The following TLE4 variants were observed in gnomAD, a reference collection of about 807,000 sequenced individuals.
TLE4 encodes transducin-like enhancer protein 4.
In TLE4, 8 loss-of-function variants were observed where a neutral mutation model predicts 92.8. The observed-to-expected ratio is 0.09, with a 90% CI of 0.05 to 0.16. The LOEUF is 0.16. Among genes scored for constraint, TLE4 ranks in the 10% least tolerant of loss-of-function variants. The pLI, the probability that TLE4 is intolerant of heterozygous loss-of-function variation, is 1.00. For missense variants in TLE4, 675 were observed against 997.6 expected (o/e 0.68, Z 4.36); for synonymous variants, 371 against 374.1 (o/e 0.99, Z 0.10).
intron 6 of TLE4, among the ~76,000 whole-genome samples, chr9:79,647,459 A>T (rs1451344163): frequency 6.6e-6 from 1 of 152,174 alleles, no homozygotes; most frequent in South Asian, 2.1e-4. Context: ...CAAGTTCTGT[A>T]TGTTCGATCA....
At chr9:79,612,767 G>A (rs759373445) in intron 5 of TLE4, 49 bp downstream of exon 5, 1 of 1,531,140 alleles carries the variant, frequency 6.5e-7, no homozygotes, top group South Asian at 1.1e-5. Flanking sequence ...CATTTTAGTG[G>A]TTTTGCAGAA....
At chr9:79,682,754 C>G (rs1564885234) in intron 8 of TLE4, among the ~76,000 whole-genome samples, 1 of 152,220 alleles carries the variant, frequency 6.6e-6, no homozygotes, top group East Asian at 1.9e-4. Flanking sequence ...AATGCTCAAG[C>G]ATCTCAGGGT....
At chr9:79,638,424 C>T (rs1469812916) in intron 6 of TLE4, among the ~76,000 whole-genome samples, 1 of 152,102 alleles carries the variant, frequency 6.6e-6, no homozygotes. Flanking sequence ...ATGGTTTTGA[C>T]TAAATAGTTA....
rs759918778 is a variant in TLE4, at chr9:79,652,741, C to G, written c.539C>G (p.Ser180Cys). ...CTCTCCAGTGCTCTAGGAGGTCAGTCCCATCTTCCAATTAAAGATGAGAAG... is the reference window on the plus strand; with the variant it reads ...CTCTCCAGTGCTCTAGGAGGTCAGTGCCATCTTCCAATTAAAGATGAGAAG... ...LALSSALGGQ[S>C]HLPIKDEKKH... The change falls in exon 7 of 20, where the codon TCC (serine) becomes TGC (cysteine). Residue 180 changes from serine to cysteine, a missense_variant. Physicochemically the swap from Ser to Cys is moderately radical, Grantham distance 112. Around this residue, in one of 5 missense-constraint regions of TLE4, gnomAD observed 280 missense variants for 287.3 expected, o/e 0.97. Coordinates refer to ENST00000376552, the MANE Select transcript of TLE4 (RefSeq NM_007005.6). The G allele has an allele frequency of 6.2e-7, 1 of 1,614,126 alleles. No homozygotes were observed.
At chr9:79,708,371 T>C (rs2072273140) in intron 12 of TLE4, 121 bp downstream of exon 12, 1 of 1,279,296 alleles carries the variant, frequency 7.8e-7, no homozygotes, top group Admixed American at 2.4e-5. Flanking sequence ...TTAGACAAAG[T>C]TACTTAACCT....
intron 6 of TLE4, among the ~76,000 whole-genome samples, chr9:79,628,873 AGTGT>A (rs34212290): frequency 0.093 from 13,769 of 147,786 alleles, 680 homozygotes; most frequent in Middle Eastern, 0.18. Flanking sequence ...TTTAAAGTTA[AGTGT>A]GTGTGTGTGT....
rs767289653 is a variant in TLE4, at chr9:79,706,836, T to C, written c.873T>C (p.Ile291=). Residue 291 remains isoleucine (I), a synonymous_variant, in exon 11 of 20, where the codon ATT becomes ATC. Coordinates refer to ENST00000376552, the MANE Select transcript of TLE4 (RefSeq NM_007005.6). ...GCCTGCTCAAGAAAGATGCCCCGATTAGTCCAGCCTCTATTGCATCTTCCA... is the reference window on the plus strand; with the variant it reads ...GCCTGCTCAAGAAAGATGCCCCGATCAGTCCAGCCTCTATTGCATCTTCCA... ...KTRLLKKDAP[I]SPASIASSSS... 4 of 1,614,210 alleles carry C rather than the reference T, an allele frequency of 2.5e-6. No individual in the cohort carries two copies. In the Admixed American group the frequency reaches 5.0e-5, roughly 20 times the overall value.
intron 8 of TLE4, among the ~76,000 whole-genome samples, chr9:79,669,341 G>C (rs184248447): frequency 3.3e-5 from 5 of 152,254 alleles, no homozygotes; most frequent in African/African-American, 1.2e-4. Flanking sequence ...TGCCTTCTCT[G>C]ACAAGTAGAA....
At chr9:79,582,111 T>A (rs923382275) in intron 4 of TLE4, among the ~76,000 whole-genome samples, 1 of 152,176 alleles carries the variant, frequency 6.6e-6, no homozygotes, top group African/African-American at 2.4e-5. Flanking sequence ...TTAATCACCA[T>A]CTTGTGGGCT....
intron 8 of TLE4, chr9:79,671,185 A>T: frequency 2.2e-6 from 1 of 450,076 alleles, no homozygotes; most frequent in Non-Finnish European, 4.5e-6. Context: ...TTGGCTGAGA[A>T]TGTGACTTTT....
At chr9:79,707,117 G>A (rs1257976334) in intron 11 of TLE4, 3 of 1,612,546 alleles carry the variant, frequency 1.9e-6, no homozygotes, top group Non-Finnish European at 2.5e-6. Context: ...CTTTTTGCAA[G>A]GATAGAAGAG....
chr9:79,587,875 A>G (rs1230983435), intron 4 of TLE4, among the ~76,000 whole-genome samples: 1 of 152,226 alleles, frequency 6.6e-6, no homozygotes, highest in East Asian at 1.9e-4. Context: ...GATACCAGGT[A>G]AAGCACTAAA....
intron 6 of TLE4, chr9:79,649,923 GT>G (rs368464088): frequency 8.4e-4 from 1,005 of 1,192,018 alleles, no homozygotes; most frequent in East Asian, 2.1e-3. Context: ...TTTGTTTTTT[GT>G]TTTTTTTTTG....
At chr9:79,678,842 A>G (rs575743192) in intron 8 of TLE4, among the ~76,000 whole-genome samples, 267 of 151,668 alleles carry the variant, frequency 1.8e-3, no homozygotes, top group East Asian at 5.6e-3. Flanking sequence ...TCGTTGTTCA[A>G]TTCCCATCCA....
chr9:79,634,845 A>G (rs540938268), intron 6 of TLE4, among the ~76,000 whole-genome samples: 6 of 152,300 alleles, frequency 3.9e-5, no homozygotes, highest in Non-Finnish European at 7.4e-5. Flanking sequence ...TGTATTGCAG[A>G]CTGATATTCT....
chr9:79,668,057 C>T (rs1256385423), intron 8 of TLE4, among the ~76,000 whole-genome samples: 1 of 152,244 alleles, frequency 6.6e-6, no homozygotes, highest in Non-Finnish European at 1.5e-5. Context: ...AATTATTCTA[C>T]ATGTTTGCCC....
chr9:79,649,782 A>G (rs2058649713), intron 6 of TLE4: 11 of 1,354,684 alleles, frequency 8.1e-6, no homozygotes, highest in Non-Finnish European at 1.1e-5. Flanking sequence ...TTCTGGTCCA[A>G]TGGAACGATG....
At chr9:79,661,434 C>T (rs1262022632) in intron 8 of TLE4, among the ~76,000 whole-genome samples, 1 of 152,184 alleles carries the variant, frequency 6.6e-6, no homozygotes, top group Non-Finnish European at 1.5e-5. Context: ...GGACCCACCA[C>T]TTTAATAAGG....
At position 79,676,630 on chromosome 9, in the gene TLE4, G is replaced by A. The variant is rs565049489; in HGVS notation, c.609+22555G>A. Among the ~76,000 whole-genome samples, 4 of 152,208 alleles carry A rather than the reference G, an allele frequency of 2.6e-5. No homozygotes were observed. The South Asian group carries it at 6.2e-4, about 24-fold the overall frequency. On this transcript the variant is annotated intron_variant, in intron 8 of 19. Transcript: ENST00000376552. ...ATAAAATATGTGGAAAGAGAGAAAA[G>A]CCAACCAGAAATATGGTAGAAAGAG...
Sources: allele counts gnomAD v4.1 joint callset (sites outside exome capture counted in the v4.1 genomes callset), GRCh38; gene constraint gnomAD v4.1.1; regional missense constraint gnomAD v4.1.1; transcripts MANE v1.5; gene names NCBI Gene and HGNC (gene_info 2026-07-23, HGNC 2026-07-21).